RYR3: variants seen among roughly 807,000 people sequenced by gnomAD.
RYR3 encodes the protein brain ryanodine receptor-calcium release channel.
A neutral mutation model predicts 584.3 loss-of-function variants in RYR3; 207 were observed. The observed-to-expected ratio is 0.35, with a 90% CI of 0.32 to 0.40. The LOEUF is 0.40. Ranked by LOEUF, RYR3 falls within the 10% of genes least tolerant of loss-of-function variation. RYR3 has a pLI of 1.00. For missense variants in RYR3, 5,616 were observed against 6,089.2 expected (o/e 0.92, Z 2.59); for synonymous variants, 2,416 against 2,248.5 (o/e 1.07, Z -2.11).
At chr15:33,811,936 A>G (rs1703694223) in intron 72 of RYR3, among the ~76,000 whole-genome samples, 1 of 152,204 alleles carries the variant, frequency 6.6e-6, no homozygotes, top group African/African-American at 2.4e-5. Flanking sequence ...AACTAAGCCA[A>G]CACACAAAGT....
intron 14 of RYR3, among the ~76,000 whole-genome samples, chr15:33,582,697 A>G (rs2058655956): frequency 6.6e-6 from 1 of 152,176 alleles, no homozygotes. Context: ...TGATGGAGCT[A>G]TGGCTTGAGA....
chr15:33,440,025 T>C (rs946803406), intron 1 of RYR3, among the ~76,000 whole-genome samples: 2 of 152,192 alleles, frequency 1.3e-5, no homozygotes, highest in South Asian at 2.1e-4. Flanking sequence ...TGGTGGCTCA[T>C]ACCTGTAATC....
At position 33,737,518 on chromosome 15, in the gene RYR3, A is replaced by G. The variant is rs151015692; in HGVS notation, c.7516-932A>G. ...TATAGTCCAAGCGAGCATTTCAGGC[A>G]GCATTTTACTGTGCTAACAAGAATT... is the stretch of plus-strand genomic sequence containing the variant. On this transcript the variant is annotated intron_variant, in intron 49 of 103. Transcript: ENST00000634891. 7.7e-3 allele frequency among the ~76,000 whole-genome samples: 1,175 copies of G among 152,322 alleles called. 20 individuals carry two copies. The highest frequency in any genetic ancestry group is 0.027 in the African/African-American group (1,139 of 41,576).
chr15:33,634,077 ACTCTCT>A (rs1364803768), intron 24 of RYR3, among the ~76,000 whole-genome samples: 2 of 151,188 alleles, frequency 1.3e-5, no homozygotes, highest in East Asian at 3.9e-4. Context: ...AATGAGACAG[ACTCTCT>A]CTCTGTCGCC....
intron 28 of RYR3, among the ~76,000 whole-genome samples, chr15:33,644,742 A>G (rs1404592232): frequency 1.3e-5 from 2 of 152,228 alleles, no homozygotes; most frequent in African/African-American, 2.4e-5. Context: ...AAAACCTTAC[A>G]GATCAACTCT....
chr15:33,565,310 C>A (rs1021418641), intron 11 of RYR3, among the ~76,000 whole-genome samples: 1 of 152,170 alleles, frequency 6.6e-6, no homozygotes, highest in East Asian at 1.9e-4. Context: ...CATTGCTAAC[C>A]AGTTGCTCAG....
rs1456989979 is a variant in RYR3 at position 33,486,471 on chromosome 15, C to T, written c.171+12933C>T. Among the ~76,000 whole-genome samples, 4 of 152,260 alleles carry T rather than the reference C, an allele frequency of 2.6e-5. No homozygotes were observed. The East Asian group carries it at 5.8e-4, about 22-fold the overall frequency. On this transcript the variant is annotated intron_variant, in intron 2 of 103. Transcript: ENST00000634891. ...ATCAATCACCTTGTAAGAGGGCCTCCATCTCAACTTGATTATATCTGATAA... is the reference window on the plus strand; with the variant it reads ...ATCAATCACCTTGTAAGAGGGCCTCTATCTCAACTTGATTATATCTGATAA...
Position 33,859,688 on chromosome 15 carries a change from C to T in RYR3, c.14256C>T (p.Thr4752=). The part of the protein sequence containing the change: ...YEMYRIVFDI[T]FFFFVIVILL... ...TGTATCGCATTGTCTTTGACATTAC[C>T]TTTTTCTTCTTCGTCATTGTCATCT... Residue 4752 remains threonine (T), a synonymous_variant, in exon 100 of 104, where the codon ACC becomes ACT. Coordinates refer to ENST00000634891, the MANE Select transcript of RYR3 (RefSeq NM_001036.6). 6.2e-7 allele frequency: 1 copy of T among 1,613,186 alleles called. No homozygotes were observed. Among genetic ancestry groups the T allele is most frequent in the African/African-American group, 1.3e-5 (1 of 75,026 alleles).
intron 1 of RYR3, among the ~76,000 whole-genome samples, chr15:33,370,778 T>C (rs2040274714): frequency 6.6e-6 from 1 of 152,034 alleles, no homozygotes; most frequent in Non-Finnish European, 1.5e-5. Flanking sequence ...CAAAGTCAGC[T>C]TCAAAGCAAT....
chr15:33,613,761 A>C (rs1284324979), intron 19 of RYR3, among the ~76,000 whole-genome samples: 1 of 152,242 alleles, frequency 6.6e-6, no homozygotes, highest in Non-Finnish European at 1.5e-5. Context: ...CATATTTTTC[A>C]AGTCCTTTCT....
intron 43 of RYR3, among the ~76,000 whole-genome samples, chr15:33,718,533 C>T (rs2067666735): frequency 6.6e-6 from 1 of 152,004 alleles, no homozygotes; most frequent in African/African-American, 2.4e-5. Flanking sequence ...CTCTGGGGTT[C>T]CCATGTTTAA....
chr15:33,404,830 T>A (rs2042918727), intron 1 of RYR3, among the ~76,000 whole-genome samples: 1 of 152,226 alleles, frequency 6.6e-6, no homozygotes, highest in Admixed American at 6.5e-5. Context: ...TACATAACTT[T>A]TATTTTAAAA....
chr15:33,602,319 A>G (rs142093070), intron 17 of RYR3, among the ~76,000 whole-genome samples: 2 of 152,328 alleles, frequency 1.3e-5, no homozygotes, highest in East Asian at 1.9e-4. Flanking sequence ...GATTCCTAAC[A>G]TAAAAACTCT....
chr15:33,620,726 G>A (rs1049011592), intron 19 of RYR3, among the ~76,000 whole-genome samples: 6 of 152,158 alleles, frequency 3.9e-5, no homozygotes, highest in Non-Finnish European at 7.3e-5. Flanking sequence ...TTCAATATTT[G>A]TGGCGGTTTG....
chr15:33,742,375 G>T lies in RYR3; in HGVS notation c.7830G>T (p.Leu2610Phe), dbSNP rs1744242793. 6.2e-7 allele frequency: 1 copy of T among 1,611,322 alleles called. No homozygotes were observed. The highest frequency in any genetic ancestry group is 1.7e-5 in the Admixed American group (1 of 60,014). ...TTTCCTCATTTCACAGTTTTTCCTT[G>T]CCTGAAAAATTGGAATACATCGTCA... ...PKPINTMNFS[L>F]PEKLEYIVTK... The change falls in exon 52 of 104, where the codon TTG (leucine) becomes TTT (phenylalanine). Residue 2610 changes from leucine to phenylalanine, a missense_variant. By Grantham distance (22) the Leu-to-Phe change is conservative (BLOSUM62 0). Around this residue, in one of 9 missense-constraint regions of RYR3, gnomAD observed 1,280 missense variants for 1,426.2 expected, o/e 0.90. Transcript: ENST00000634891.
chr15:33,379,161 T>A (rs1214704351), intron 1 of RYR3, among the ~76,000 whole-genome samples: 1 of 151,980 alleles, frequency 6.6e-6, no homozygotes, highest in East Asian at 1.9e-4. Context: ...AGGAAAAAAA[T>A]GAGTACAAGC....
chr15:33,558,801 T>C (rs1238005675), intron 10 of RYR3, among the ~76,000 whole-genome samples: 3 of 152,084 alleles, frequency 2.0e-5, no homozygotes, highest in South Asian at 2.1e-4. Context: ...ACAATCAGCA[T>C]TGAAAAAGAA....
chr15:33,592,755 T>G (rs1025401137), intron 16 of RYR3, among the ~76,000 whole-genome samples: 1 of 152,228 alleles, frequency 6.6e-6, no homozygotes, highest in East Asian at 1.9e-4. Flanking sequence ...ATTAGACTTA[T>G]CTGCACTCCC....
chr15:33,796,709 A>G (rs2075649161), intron 67 of RYR3, among the ~76,000 whole-genome samples: 1 of 152,236 alleles, frequency 6.6e-6, no homozygotes, highest in Non-Finnish European at 1.5e-5. Flanking sequence ...TCAAAGAACT[A>G]AAAATAGACC....
Sources: allele counts gnomAD v4.1 joint callset (sites outside exome capture counted in the v4.1 genomes callset), GRCh38; gene constraint gnomAD v4.1.1; regional missense constraint gnomAD v4.1.1; transcripts MANE v1.5; gene names NCBI Gene and HGNC (gene_info 2026-07-23, HGNC 2026-07-21).